SLMAP: variants seen among roughly 807,000 people sequenced by gnomAD.
SLMAP encodes the protein sarcolemma associated protein.
In SLMAP, 44 loss-of-function variants were observed where a neutral mutation model predicts 128.8. The ratio of observed to expected loss-of-function variants is 0.34; its 90% CI spans 0.27 to 0.44. SLMAP has a LOEUF of 0.44. Ranked by LOEUF, SLMAP falls within the 20% of genes least tolerant of loss-of-function variation. The probability of loss-of-function intolerance (pLI) is 1.00; values close to 1 mark genes in which losing one functional copy is unlikely to be tolerated. For synonymous variants in SLMAP, 327 were observed against 348.8 expected (o/e 0.94, Z 0.70); for missense variants, 787 against 985.3 (o/e 0.80, Z 2.69).
chr3:57,870,782 A>G (rs1465773169), intron 13 of SLMAP, among the ~76,000 whole-genome samples: 1 of 152,192 alleles, frequency 6.6e-6, no homozygotes, highest in Non-Finnish European at 1.5e-5. Flanking sequence ...ACACTTTCCA[A>G]GTAGTCATTA....
chr3:57,813,427 A>G (rs2091349312), intron 2 of SLMAP, among the ~76,000 whole-genome samples: 1 of 152,144 alleles, frequency 6.6e-6, no homozygotes, highest in Non-Finnish European at 1.5e-5. Context: ...ATATTGCTGA[A>G]TCATTTTCCA....
At chr3:57,926,880 C>T (rs1243976377) in intron 24 of SLMAP, among the ~76,000 whole-genome samples, 2 of 152,162 alleles carry the variant, frequency 1.3e-5, no homozygotes, top group Non-Finnish European at 2.9e-5. Flanking sequence ...TAAAATATCC[C>T]AACATGTGAG....
chr3:57,779,133 A>G (rs142014060), intron 2 of SLMAP, among the ~76,000 whole-genome samples: 330 of 152,302 alleles, frequency 2.2e-3, no homozygotes, highest in Non-Finnish European at 3.2e-3. Flanking sequence ...GCATATATCA[A>G]TGCAGATCAA....
At chr3:57,853,883 G>A (rs1366844956) in intron 6 of SLMAP, among the ~76,000 whole-genome samples, 1 of 144,064 alleles carries the variant, frequency 6.9e-6, no homozygotes, top group Non-Finnish European at 1.5e-5. Flanking sequence ...GGAGGCTGCG[G>A]TGAGCCGAGA....
chr3:57,772,076 G>A (rs993489656), intron 2 of SLMAP, among the ~76,000 whole-genome samples: 8 of 152,204 alleles, frequency 5.3e-5, no homozygotes, highest in Non-Finnish European at 8.8e-5. Flanking sequence ...TAATTGGAAA[G>A]CTAAAGCTAA....
rs114277235 is a variant in SLMAP at position 57,866,463 on chromosome 3, G to A, written c.1237+1171G>A. 1.2e-3 allele frequency among the ~76,000 whole-genome samples: 181 copies of A among 152,248 alleles called. 1 individual carries two copies. The highest frequency in any genetic ancestry group is 1.8e-3 in the Non-Finnish European group (121 of 68,012). ...TATAGGCTCAGGTAATTGTGTGTATGTTAGCTGCAAGGTCAAAACCTTATT... is the reference window on the plus strand; with the variant it reads ...TATAGGCTCAGGTAATTGTGTGTATATTAGCTGCAAGGTCAAAACCTTATT... On this transcript the variant is annotated intron_variant, in intron 13 of 24. Coordinates refer to ENST00000671191, the MANE Select transcript of SLMAP (RefSeq NM_001377540.1).
At chr3:57,919,640 C>T (rs1288868545) in intron 22 of SLMAP, among the ~76,000 whole-genome samples, 1 of 150,736 alleles carries the variant, frequency 6.6e-6, no homozygotes, top group Admixed American at 6.6e-5. Flanking sequence ...AATAAAAATA[C>T]AAAATTAGCC....
intron 5 of SLMAP, 79 bp from the exon 6 acceptor site, chr3:57,849,672 AAGT>A (rs2094434861): frequency 2.6e-6 from 2 of 777,016 alleles, no homozygotes; most frequent in African/African-American, 1.7e-5. Context: ...ATATTTAAGT[AAGT>A]AGACATTTCA....
At chr3:57,778,819 AATTG>A (rs1260191584) in intron 2 of SLMAP, among the ~76,000 whole-genome samples, 1 of 151,976 alleles carries the variant, frequency 6.6e-6, no homozygotes, top group Non-Finnish European at 1.5e-5. Flanking sequence ...AATCTTAGGT[AATTG>A]AGTTAAGGCT....
chr3:57,792,015 A>G (rs2085576303), intron 2 of SLMAP, among the ~76,000 whole-genome samples: 1 of 152,160 alleles, frequency 6.6e-6, no homozygotes, highest in Non-Finnish European at 1.5e-5. Flanking sequence ...CTTTAATTGC[A>G]TGTCAATTAT....
intron 2 of SLMAP, among the ~76,000 whole-genome samples, chr3:57,761,198 T>G (rs1204262694): frequency 6.6e-6 from 1 of 152,162 alleles, no homozygotes. Flanking sequence ...TAGACAACAC[T>G]GTGCAATTTG....
intron 2 of SLMAP, among the ~76,000 whole-genome samples, chr3:57,808,481 GA>G (rs1334997431): frequency 6.6e-6 from 1 of 152,156 alleles, no homozygotes; most frequent in Non-Finnish European, 1.5e-5. Context: ...TGGTTTCAGA[GA>G]ACTTCTTGAT....
At chr3:57,816,298 C>G (rs940099174) in intron 2 of SLMAP, among the ~76,000 whole-genome samples, 3 of 152,036 alleles carry the variant, frequency 2.0e-5, no homozygotes, top group Non-Finnish European at 4.4e-5. Context: ...TGTGTGCCAC[C>G]ACACCTGGCT....
chr3:57,801,116 G>A (rs1261659585), intron 2 of SLMAP: 1 of 153,916 alleles, frequency 6.5e-6, no homozygotes, highest in Non-Finnish European at 1.4e-5. Flanking sequence ...CTGGCTTCAA[G>A]TCCTTCCCCT....
chr3:57,883,286 T>G (rs777540365), intron 14 of SLMAP, among the ~76,000 whole-genome samples: 1 of 152,206 alleles, frequency 6.6e-6, no homozygotes, highest in East Asian at 1.9e-4. Flanking sequence ...GTGGTATTTC[T>G]GGGTGAAGAT....
chr3:57,907,905 C>G lies in SLMAP; in HGVS notation c.1523C>G (p.Ser508Ter). 1.2e-6 allele frequency: 2 copies of G among 1,613,770 alleles called. No homozygotes were observed. The highest frequency in any genetic ancestry group is 1.7e-6 in the Non-Finnish European group (2 of 1,179,834). The change falls in exon 18 of 25, where the codon TCA becomes TGA. Residue 508 changes from serine to a stop codon, truncating the protein, a stop_gained. Coordinates refer to ENST00000671191, the MANE Select transcript of SLMAP (RefSeq NM_001377540.1). LOFTEE classifies it high-confidence loss of function. The stretch of plus-strand genomic sequence containing the variant: ...TCAGATGACTTGCAGGGTGCACAGT[C>G]AGAAATTGAGGCAAAGCAAGAAATA... ...LLKDDLQGAQ[S>*]EIEAKQEIQH...
In SLMAP at chr3:57,913,237, A is replaced by C. The variant is rs1467337039; in HGVS notation, c.2100A>C (p.Leu700=). 6.3e-7 allele frequency: 1 copy of C among 1,594,636 alleles called. No individual in the cohort carries two copies. The highest frequency in any genetic ancestry group is 8.6e-7 in the Non-Finnish European group (1 of 1,165,622). Reference sequence around the variant, plus strand: ...CTCTAAAAAGGGAAAATGTTTTGCTATCATCAGAACTGCAACGGCAAGAAA... The same window carrying C: ...CTCTAAAAAGGGAAAATGTTTTGCTCTCATCAGAACTGCAACGGCAAGAAA... ...CHSLKRENVL[L]SSELQRQEKE... The change falls in exon 21 of 25, where the codon CTA becomes CTC. Residue 700 remains leucine, a synonymous_variant. Transcript: ENST00000671191.
intron 23 of SLMAP, among the ~76,000 whole-genome samples, chr3:57,923,394 G>A (rs1245100135): frequency 1.3e-5 from 2 of 152,188 alleles, no homozygotes; most frequent in African/African-American, 4.8e-5. Flanking sequence ...CCATTTAAGA[G>A]AGAGTAGTAC....
At chr3:57,849,185 G>A (rs1016050357) in intron 5 of SLMAP, among the ~76,000 whole-genome samples, 8 of 152,044 alleles carry the variant, frequency 5.3e-5, no homozygotes, top group African/African-American at 9.7e-5. Context: ...CACTGCGCCC[G>A]GCCCTTTTTT....
Sources: gnomAD v4.1 joint callset for allele counts (sites outside exome capture counted in the v4.1 genomes callset) on GRCh38, gnomAD v4.1.1 for gene constraint, MANE v1.5 for transcripts, NCBI Gene and HGNC (gene_info 2026-07-23, HGNC 2026-07-21) for gene names.